The following FAM161A variants were observed in gnomAD, a reference collection of about 807,000 sequenced individuals.
FAM161A encodes FAM161 centrosomal protein A, also known as protein FAM161A.
In FAM161A, 57 loss-of-function variants were observed where a neutral mutation model predicts 70.9. The observed-to-expected ratio is 0.80, with a 90% CI of 0.65 to 1.00. The LOEUF is 1.00. Among genes scored for constraint, FAM161A ranks in the 50% least tolerant of loss-of-function variants. The pLI is 0.00. For synonymous variants in FAM161A, 299 were observed against 295.7 expected (o/e 1.01, Z -0.12); for missense variants, 880 against 836.0 (o/e 1.05, Z -0.65).
the FAM161A span, among the ~76,000 whole-genome samples, chr2:61,810,567 T>C: frequency 2.7e-5 from 4 of 149,612 alleles, no homozygotes; most frequent in Non-Finnish European, 5.9e-5. Flanking sequence ...CAAGCAATTC[T>C]CCTGCCTCAG....
rs1018288922 is a variant in FAM161A, at chr2:61,840,357, T to A, written c.647A>T (p.Asp216Val). The A allele has an allele frequency of 2.5e-6, 4 of 1,614,082 alleles. No individual in the cohort carries two copies. The highest frequency in any genetic ancestry group is 2.7e-5 in the African/African-American group (2 of 74,940). ...FCVEDYIRCK[D>V]TGFHAAEKRR... ...TTTTTCAGCTGCATGGAAGCCAGTATCTTTACAGCGAATATAATCCTCAAC... is the reference window on the plus strand; with the variant it reads ...TTTTTCAGCTGCATGGAAGCCAGTAACTTTACAGCGAATATAATCCTCAAC... Residue 216 changes from aspartate to valine, a missense_variant, in exon 3 of 7, where the codon GAT becomes GTT. By Grantham distance (152) the Asp-to-Val change is radical. Transcript: ENST00000404929.
chr2:61,837,683 C>T (rs1371899164), intron 4 of FAM161A, among the ~76,000 whole-genome samples: 2 of 151,968 alleles, frequency 1.3e-5, no homozygotes, highest in Admixed American at 6.6e-5. Flanking sequence ...GCAGGAGAAT[C>T]GCTTGAACTC....
intron 5 of FAM161A, among the ~76,000 whole-genome samples, chr2:61,829,636 C>T (rs1186263103): frequency 2.0e-5 from 3 of 152,270 alleles, no homozygotes; most frequent in South Asian, 2.1e-4. Context: ...GCTCTGAATG[C>T]ATTACCAACA....
the FAM161A span, among the ~76,000 whole-genome samples, chr2:61,801,974 CTCT>C: frequency 6.6e-6 from 1 of 152,192 alleles, no homozygotes; most frequent in African/African-American, 2.4e-5. Context: ...TCTCCCACAT[CTCT>C]TCATTTGTAA....
intron 1 of FAM161A, among the ~76,000 whole-genome samples, chr2:61,845,822 C>T (rs1306465262): frequency 6.6e-6 from 1 of 151,910 alleles, no homozygotes; most frequent in Admixed American, 6.6e-5. Flanking sequence ...GGCGCGGTAG[C>T]TCACGCCTGT....
the FAM161A span, among the ~76,000 whole-genome samples, chr2:61,808,576 A>G: frequency 6.6e-6 from 1 of 151,896 alleles, no homozygotes. Context: ...CTGGCCGGAA[A>G]AATTCTTTAA....
chr2:61,841,626 G>A (rs1673023466), intron 2 of FAM161A, among the ~76,000 whole-genome samples: 1 of 152,112 alleles, frequency 6.6e-6, no homozygotes, highest in South Asian at 2.1e-4. Flanking sequence ...GCATAGTCTG[G>A]CACAAAGGAG....
At chr2:61,838,339 C>T (rs1672849552) in intron 4 of FAM161A, among the ~76,000 whole-genome samples, 199 bp downstream of exon 4, 1 of 152,138 alleles carries the variant, frequency 6.6e-6, no homozygotes, top group South Asian at 2.1e-4. Flanking sequence ...TGGTTCTCAC[C>T]ATAAAGGTGA....
chr2:61,848,886 TTATATATATTTA>T lies in FAM161A; in HGVS notation c.183+4961_183+4972del, dbSNP rs1673342451. Among the ~76,000 whole-genome samples, 2 of 2,018 alleles carry T rather than the reference TTATATATATTTA, an allele frequency of 9.9e-4. 1 individual carries two copies. The highest frequency in any genetic ancestry group is 1.6e-3 in the Non-Finnish European group (2 of 1,228). 1.3% of individuals were successfully genotyped at this position (2,018 alleles called of 152,430 possible). On this transcript the variant is annotated intron_variant, in intron 1 of 6. Transcript: ENST00000404929. ...TTTATATATATATTTATATATATAT[TTATATATATTTA>T]TATATATATTTATATATTTATATAT...
In FAM161A at chr2:61,840,121, G is replaced by C. The variant is rs1263130422; in HGVS notation, c.883C>G (p.Leu295Val). ...NPVPASVFLP[L>V]YHDLVKQKEE... ...TTTTGCTTGACTAAATCATGGTAAA[G>C]GGGGAGAAAGACAGATGCAGGAACT... The change falls in exon 3 of 7, where the codon CTT becomes GTT. Residue 295 changes from leucine (L) to valine (V), a missense_variant. Leu to Val is a conservative substitution (Grantham distance 32). Transcript: ENST00000404929. The C allele has an allele frequency of 1.9e-6, 3 of 1,614,034 alleles. No individual in the cohort carries two copies. Among genetic ancestry groups the C allele is most frequent in the Non-Finnish European group, 2.5e-6 (3 of 1,180,040 alleles).
chr2:61,801,515 T>C, the FAM161A span, among the ~76,000 whole-genome samples: 1 of 151,162 alleles, frequency 6.6e-6, no homozygotes, highest in Admixed American at 6.6e-5. Context: ...AAAAATAGAA[T>C]TACTGGATTA....
the FAM161A span, among the ~76,000 whole-genome samples, chr2:61,815,880 C>T: frequency 6.6e-6 from 1 of 152,154 alleles, no homozygotes; most frequent in Middle Eastern, 3.4e-3. Context: ...CCTCCTTGTC[C>T]ACTGTCTACC....
At chr2:61,815,092 C>T in the FAM161A span, among the ~76,000 whole-genome samples, 2 of 152,172 alleles carry the variant, frequency 1.3e-5, no homozygotes, top group African/African-American at 4.8e-5. Flanking sequence ...GAGTTGTTCC[C>T]ATCAGATGAC....
At chr2:61,815,423 CAACT>C in the FAM161A span, among the ~76,000 whole-genome samples, 1 of 151,560 alleles carries the variant, frequency 6.6e-6, no homozygotes, top group Non-Finnish European at 1.5e-5. Flanking sequence ...TCCTGATGGC[CAACT>C]GTGTTGCCCC....
chr2:61,824,283 C>G (rs1241034440), downstream of FAM161A, among the ~76,000 whole-genome samples: 1 of 151,336 alleles, frequency 6.6e-6, no homozygotes, highest in East Asian at 1.9e-4. Flanking sequence ...CATAATCCAC[C>G]CATCTCGGCC....
chr2:61,822,013 C>T (rs1483800445), downstream of FAM161A, among the ~76,000 whole-genome samples: 1 of 151,812 alleles, frequency 6.6e-6, no homozygotes, highest in African/African-American at 2.4e-5. Flanking sequence ...AAGTAATCTG[C>T]CTGCCTCAGC....
intron 5 of FAM161A, among the ~76,000 whole-genome samples, chr2:61,828,836 C>G (rs1477118180): frequency 6.6e-6 from 1 of 151,992 alleles, no homozygotes; most frequent in Non-Finnish European, 1.5e-5. Context: ...TTGTGATGAC[C>G]CTCTCATCAC....
chr2:61,838,885 TTTATTTA>T (rs566806618), intron 3 of FAM161A, among the ~76,000 whole-genome samples, 180 bp from the exon 4 acceptor site: 5,226 of 143,238 alleles, frequency 0.036, 391 homozygotes, highest in East Asian at 0.28. Context: ...TATTTATTTA[TTTATTTA>T]TTTTTTTTGA....
chr2:61,822,060 T>C (rs1178374544), downstream of FAM161A, among the ~76,000 whole-genome samples: 1 of 151,122 alleles, frequency 6.6e-6, no homozygotes, highest in Non-Finnish European at 1.5e-5. Context: ...TGAGCCACTG[T>C]GCCTGGCAGA....
Sources: allele counts gnomAD v4.1 joint callset (sites outside exome capture counted in the v4.1 genomes callset), GRCh38; gene constraint gnomAD v4.1.1; transcripts MANE v1.5; gene names NCBI Gene and HGNC (gene_info 2026-07-23, HGNC 2026-07-21).